ZNF35: variants seen among roughly 807,000 people sequenced by gnomAD.
ZNF35 encodes zinc finger protein 35 (clone HF.10).
In ZNF35, 31 loss-of-function variants were observed where a neutral mutation model predicts 45.9. That is an observed-to-expected ratio of 0.68 (90% CI 0.51 to 0.91). ZNF35 has a LOEUF of 0.91. ZNF35 is among the 40% of genes least tolerant of loss of function. ZNF35 has a pLI of 0.00. For missense variants in ZNF35, 515 were observed against 625.4 expected (o/e 0.82, Z 1.88); for synonymous variants, 205 against 220.2 (o/e 0.93, Z 0.61).
Position 44,651,066 on chromosome 3 carries a change from A to C in ZNF35, c.-2A>C, listed in dbSNP as rs755896638. On this transcript the variant is annotated 5_prime_UTR_variant, in exon 2 of 4. Transcript: ENST00000396056. ...TAGGAGTTCCCCTGCTGAGCAGAGAAGATGACTGCAGAATTGAGAGAAGCC... is the reference window on the plus strand; with the variant it reads ...TAGGAGTTCCCCTGCTGAGCAGAGACGATGACTGCAGAATTGAGAGAAGCC... The C allele has an allele frequency of 8.1e-6, 13 of 1,612,972 alleles. No individual in the cohort carries two copies. The Admixed American group carries it at 1.5e-4, about 19-fold the overall frequency.
At chr3:44,656,393 ATT>A (rs35391505) in intron 3 of ZNF35, among the ~76,000 whole-genome samples, 73 of 144,226 alleles carry the variant, frequency 5.1e-4, no homozygotes, top group Admixed American at 4.8e-4. Context: ...AGCATTTCAG[ATT>A]TTTTTTTTTT....
In ZNF35 at chr3:44,651,279, G is replaced by T; in HGVS notation, c.192+20G>T. The T allele has an allele frequency of 6.2e-7, 1 of 1,607,300 alleles. No individual in the cohort carries two copies. The highest frequency in any genetic ancestry group is 2.2e-5 in the East Asian group (1 of 44,816). On this transcript the variant is annotated intron_variant, in intron 2 of 3. Transcript: ENST00000396056. ...GAAAAGGTAAACGGGGGCCTGAGAGGAAGAGGGGAGGAGATACTTGAAGAC... is the reference window on the plus strand; with the variant it reads ...GAAAAGGTAAACGGGGGCCTGAGAGTAAGAGGGGAGGAGATACTTGAAGAC...
At chr3:44,654,358 G>A (rs957457845) in intron 3 of ZNF35, among the ~76,000 whole-genome samples, 2 of 152,156 alleles carry the variant, frequency 1.3e-5, no homozygotes, top group African/African-American at 2.4e-5. Flanking sequence ...TTGCTGCCCT[G>A]CCTGTAATAA....
rs1703101308 is a variant in ZNF35 at position 44,648,747 on chromosome 3, T to A, written c.-215T>A. The stretch of plus-strand genomic sequence containing the variant: ...GAGGCACTTCCTGTCCGGTCATTGT[T>A]CTCGTGCCGGTAGAAGCTGAAGTAC... On this transcript the variant is annotated 5_prime_UTR_variant, in exon 1 of 4. Transcript: ENST00000396056. 1 of 152,240 alleles carries A rather than the reference T, an allele frequency of 6.6e-6. No individual in the cohort carries two copies. Among genetic ancestry groups the A allele is most frequent in the Non-Finnish European group, 1.5e-5 (1 of 68,086 alleles). 9.4% of individuals were successfully genotyped at this position (152,240 alleles called of 1,614,324 possible).
chr3:44,652,782 CCTAGGT>C, intron 3 of ZNF35, 81 bp downstream of exon 3: 1 of 1,395,278 alleles, frequency 7.2e-7, no homozygotes, highest in Non-Finnish European at 9.6e-7. Flanking sequence ...CATCCAGTCT[CCTAGGT>C]TGACCAACAG....
At chr3:44,657,642 A>T (rs1703332644) in intron 3 of ZNF35, among the ~76,000 whole-genome samples, 1 of 152,200 alleles carries the variant, frequency 6.6e-6, no homozygotes, top group South Asian at 2.1e-4. Flanking sequence ...AGTTCTCATG[A>T]TATTTTCTGG....
At chr3:44,650,193 G>A (rs1207563822) in intron 1 of ZNF35, among the ~76,000 whole-genome samples, 1 of 151,958 alleles carries the variant, frequency 6.6e-6, no homozygotes, top group Non-Finnish European at 1.5e-5. Context: ...TTATTGTGTA[G>A]CATTTAAAAT....
chr3:44,650,878 A>G (rs913993739), intron 1 of ZNF35, 63 bp from the exon 2 acceptor site: 7 of 555,080 alleles, frequency 1.3e-5, no homozygotes, highest in Admixed American at 3.6e-5. Flanking sequence ...GCATCCGGCA[A>G]ATTTGCTAAG....
In ZNF35 at chr3:44,659,717, G is replaced by A; in HGVS notation, c.1354G>A (p.Gly452Arg). 1 of 1,613,868 alleles carries A rather than the reference G, an allele frequency of 6.2e-7. No homozygotes were observed. ...GDLPYVCNECGKAFTCSSYLL... is the reference protein window; with the variant it reads ...GDLPYVCNECRKAFTCSSYLL... Reference sequence around the variant, plus strand: ...TCTTCCTTACGTGTGTAATGAATGTGGGAAGGCCTTCACATGTAGCTCATA... The same window carrying A: ...TCTTCCTTACGTGTGTAATGAATGTAGGAAGGCCTTCACATGTAGCTCATA... Residue 452 changes from glycine (G) to arginine (R), a missense_variant, in exon 4 of 4, where the codon GGG (glycine) becomes AGG (arginine). Physicochemically the swap from Gly to Arg is moderately radical, Grantham distance 125 (BLOSUM62 -2). Coordinates refer to ENST00000396056, the MANE Select transcript of ZNF35 (RefSeq NM_003420.4). The surrounding 1 kb of genome is among the most constrained non-coding windows in gnomAD (Gnocchi z 4.3).
chr3:44,655,638 T>C (rs1320881981), intron 3 of ZNF35, among the ~76,000 whole-genome samples: 1 of 152,224 alleles, frequency 6.6e-6, no homozygotes, highest in African/African-American at 2.4e-5. Context: ...GATTAATCTT[T>C]TTACCCAAAG....
In ZNF35 at chr3:44,658,642, C is replaced by T. The variant is rs1170679041; in HGVS notation, c.338-59C>T. 5.3e-6 allele frequency: 8 copies of T among 1,506,732 alleles called. No homozygotes were observed. In the Admixed American group the frequency reaches 1.9e-4, roughly 35 times the overall value. The allele number at this position is 1,506,732 out of a possible 1,614,324, so 93.3% of individuals were successfully genotyped here. A position where few individuals can be genotyped will look rare whatever the true frequency, so the allele number is the denominator to read the frequency against. On this transcript the variant is annotated intron_variant, in intron 3 of 3. Transcript: ENST00000396056. ...ATACTTCGTTTTATGACTTGATGAT[C>T]CTATTCTTTTTCTAGGCCAGAGAAA...
At position 44,660,423 on chromosome 3, in the gene ZNF35, C is replaced by G. The variant is rs1030109205; in HGVS notation, c.*476C>G. 6.5e-6 allele frequency: 1 copy of G among 153,064 alleles called. No individual in the cohort carries two copies. The highest frequency in any genetic ancestry group is 2.4e-5 in the African/African-American group (1 of 41,434). 9.5% of individuals were successfully genotyped at this position (153,064 alleles called of 1,614,324 possible). A position where few individuals can be genotyped will look rare whatever the true frequency, so the allele number is the denominator to read the frequency against. ...GGGTAGCAGTTCAACAATTCACTTA[C>G]GAATGTTTATAAGCTTTCCATTTCC... On this transcript the variant is annotated 3_prime_UTR_variant, in exon 4 of 4. Coordinates refer to ENST00000396056, the MANE Select transcript of ZNF35 (RefSeq NM_003420.4).
intron 3 of ZNF35, among the ~76,000 whole-genome samples, chr3:44,653,060 G>A (rs1310851179): frequency 1.3e-5 from 2 of 152,170 alleles, no homozygotes; most frequent in Non-Finnish European, 2.9e-5. Context: ...GACTGGGCAC[G>A]GGAGAACCAC....
chr3:44,648,373 T>G (rs949678958), upstream of ZNF35: 1 of 152,246 alleles, frequency 6.6e-6, no homozygotes, highest in South Asian at 2.1e-4. Context: ...AAAATGTTCA[T>G]TGTTGAGTCC....
At chr3:44,646,851 G>A, upstream of ZNF35, 1 of 272,070 alleles carries the variant, frequency 3.7e-6, no homozygotes, top group South Asian at 5.9e-5. Flanking sequence ...ATGGAGGAGG[G>A]ATCGCCTTTT....
upstream of ZNF35, chr3:44,646,730 T>C (rs1171785723): frequency 2.0e-6 from 1 of 503,180 alleles, no homozygotes; most frequent in African/African-American, 2.0e-5. Flanking sequence ...AAAACATGGA[T>C]GAGGAGGCTT....
At chr3:44,656,413 A>C (rs1173267319) in intron 3 of ZNF35, among the ~76,000 whole-genome samples, 1 of 147,810 alleles carries the variant, frequency 6.8e-6, no homozygotes, top group Non-Finnish European at 1.5e-5. Context: ...TTTTTTTGAG[A>C]TGAGTTTCGC....
chr3:44,657,475 AC>A (rs1364896930), intron 3 of ZNF35, among the ~76,000 whole-genome samples: 2 of 152,252 alleles, frequency 1.3e-5, no homozygotes, highest in African/African-American at 4.8e-5. Flanking sequence ...ACATGGGTGC[AC>A]ATTTCAAGGT....
chr3:44,646,510 G>A (rs201559393), upstream of ZNF35: 7 of 1,552,842 alleles, frequency 4.5e-6, no homozygotes, highest in Non-Finnish European at 6.2e-6. Context: ...AATACAGGAG[G>A]CAGAGGAACA....
Sources: allele counts gnomAD v4.1 joint callset (sites outside exome capture counted in the v4.1 genomes callset), GRCh38; gene constraint gnomAD v4.1.1; non-coding constraint Gnocchi (gnomAD v3.1); transcripts MANE v1.5; gene names NCBI Gene and HGNC (gene_info 2026-07-23, HGNC 2026-07-21).